The following ARHGAP27 variants were observed in gnomAD, a reference collection of about 807,000 sequenced individuals.
ARHGAP27 encodes Rho GTPase activating protein 27.
Under a neutral mutation model 102.0 loss-of-function variants are expected in ARHGAP27, and 53 were observed. The ratio of observed to expected loss-of-function variants is 0.52; its 90% confidence interval spans 0.42 to 0.65. The LOEUF (loss-of-function observed/expected upper bound fraction) is 0.65. Ranked by LOEUF, ARHGAP27 falls within the 30% of genes least tolerant of loss-of-function variation. ARHGAP27 has a pLI of 0.00. For synonymous variants in ARHGAP27, 525 were observed against 542.8 expected (o/e 0.97, Z 0.46); for missense variants, 1,117 against 1,256.2 (o/e 0.89, Z 1.68).
chr17:45,423,588 T>A (rs2049256124), intron 4 of ARHGAP27, among the ~76,000 whole-genome samples: 1 of 151,940 alleles, frequency 6.6e-6, no homozygotes, highest in African/African-American at 2.4e-5. Context: ...TCTGCAGACA[T>A]ATCATATCAT....
intron 8 of ARHGAP27, 34 bp from the exon 9 acceptor site, chr17:45,404,368 C>T (rs746152179): frequency 1.2e-6 from 2 of 1,613,626 alleles, no homozygotes; most frequent in Non-Finnish European, 1.7e-6. Context: ...CCACCAAGTC[C>T]CTCCTCCCAG....
chr17:45,413,447 C>A (rs1210501439), intron 4 of ARHGAP27, among the ~76,000 whole-genome samples: 1 of 152,120 alleles, frequency 6.6e-6, no homozygotes, highest in East Asian at 1.9e-4. Flanking sequence ...CAGCTTCTCG[C>A]TGAGCAGCTG....
At chr17:45,399,803 A>G (rs2046232674) in intron 12 of ARHGAP27, among the ~76,000 whole-genome samples, 1 of 152,142 alleles carries the variant, frequency 6.6e-6, no homozygotes, top group Non-Finnish European at 1.5e-5. Flanking sequence ...TCAAAACATA[A>G]TCAGTTCATA....
rs1405351256 is a variant in ARHGAP27, at chr17:45,430,720, C to A, written c.-18-423G>T. ...AGTAGGAAGAACACCCCATTTACTG[C>A]CGCTCCCCGGCTCTGTCCCGCCTGG... On this transcript the variant is annotated intron_variant, in intron 3 of 19. Coordinates refer to ENST00000685559, the MANE Select transcript of ARHGAP27 (RefSeq NM_001282290.2). This position sits in a 1 kb window ranked among gnomAD's most constrained non-coding sequence, Gnocchi z 4.4. 2.0e-5 allele frequency among the ~76,000 whole-genome samples: 3 copies of A among 152,202 alleles called. No homozygotes were observed. The highest frequency in any genetic ancestry group is 7.2e-5 in the African/African-American group (3 of 41,440).
rs767153949 is a variant in ARHGAP27 at position 45,395,234 on chromosome 17, G to A, written c.*222C>T. 1.3e-4 allele frequency: 80 copies of A among 600,688 alleles called. No individual in the cohort carries two copies. Among genetic ancestry groups the A allele is most frequent in the East Asian group, 2.3e-4 (8 of 34,396 alleles). 37.2% of individuals were successfully genotyped at this position (600,688 alleles called of 1,614,324 possible). On this transcript the variant is annotated 3_prime_UTR_variant, in exon 20 of 20. Coordinates refer to ENST00000685559, the MANE Select transcript of ARHGAP27 (RefSeq NM_001282290.2). ...AATTAACCCCCAAACAGGACGTGAC[G>A]GGAAGGGAAGGGGGGATGGGGAGTT...
rs758409986 is a variant in ARHGAP27, at chr17:45,405,750, C to T, written c.991G>A (p.Glu331Lys). ...TCCTCCTCGGGCTCGTTCTCGGCCT[C>T]GTCCTCCCAGGCCGTCTCGCCCGTC... ...PLTGETAWED[E>K]AENEPEEELE... The change falls in exon 5 of 20, where the codon GAG (glutamate) becomes AAG (lysine). Residue 331 changes from glutamate to lysine, a missense_variant. By Grantham distance (56) the Glu-to-Lys change is moderately conservative. Transcript: ENST00000685559. The T allele has an allele frequency of 1.8e-5, 29 of 1,599,634 alleles. No individual in the cohort carries two copies. In the Admixed American group the frequency reaches 2.2e-4, roughly 12 times the overall value.
chr17:45,406,957 G>A (rs2047246171), intron 4 of ARHGAP27, among the ~76,000 whole-genome samples: 1 of 152,176 alleles, frequency 6.6e-6, no homozygotes. Context: ...AAAGAGAGGT[G>A]AATTGTTTTA....
In ARHGAP27 at chr17:45,396,584, G is replaced by A. The variant is rs1446201314; in HGVS notation, c.2076C>T (p.Asp692=). ...CGGCCAGCGCGCAGCCGAACACCTGGTCTAGGGCAGAGGCTCATCAGCTCC... is the reference window on the plus strand; with the variant it reads ...CGGCCAGCGCGCAGCCGAACACCTGATCTAGGGCAGAGGCTCATCAGCTCC... ...QSLREKGYIK[D]QVFGCALAAL... is the part of the protein sequence containing the mutation. The change falls in exon 16 of 20, where the codon GAC becomes GAT. Residue 692 remains aspartate (D), a splice_region_variant and synonymous_variant. Transcript: ENST00000685559. 1 of 1,608,100 alleles carries A rather than the reference G, an allele frequency of 6.2e-7. No individual in the cohort carries two copies. The highest frequency in any genetic ancestry group is 1.7e-5 in the Admixed American group (1 of 59,804).
At chr17:45,395,908 G>A (rs564690466) in intron 18 of ARHGAP27, 59 bp from the exon 19 acceptor site, 49 of 1,568,196 alleles carry the variant, frequency 3.1e-5, no homozygotes, top group Non-Finnish European at 3.6e-5. Context: ...GGTATCGGCT[G>A]GGCGAGGGGA....
At chr17:45,416,248 G>A (rs2048441131) in intron 4 of ARHGAP27, among the ~76,000 whole-genome samples, 1 of 151,558 alleles carries the variant, frequency 6.6e-6, no homozygotes, top group African/African-American at 2.4e-5. Flanking sequence ...TAGAGACGGG[G>A]TTTCACCGTG....
Position 45,395,551 on chromosome 17 carries a change from C to G in ARHGAP27, c.2575G>C (p.Val859Leu). 1 of 1,603,980 alleles carries G rather than the reference C, an allele frequency of 6.2e-7. No homozygotes were observed. The highest frequency in any genetic ancestry group is 8.5e-7 in the Non-Finnish European group (1 of 1,175,558). ...VFGPTLLRPEVEETSMPMTMV... is the reference protein window; with the variant it reads ...VFGPTLLRPELEETSMPMTMV... ...GTCATGGGCATGCTGGTCTCTTCCA[C>G]CTCGGGCCGCAGCAGCGTGGGCCCG... Residue 859 changes from valine (V) to leucine (L), a missense_variant, in exon 20 of 20, where the codon GTG becomes CTG. Val to Leu is a conservative substitution (Grantham distance 32). Around this residue, in one of 3 missense-constraint regions of ARHGAP27, gnomAD observed 493 missense variants for 505.5 expected, o/e 0.98. Transcript: ENST00000685559.
intron 4 of ARHGAP27, among the ~76,000 whole-genome samples, chr17:45,414,343 G>A (rs746630181): frequency 6.6e-6 from 1 of 151,984 alleles, no homozygotes; most frequent in South Asian, 2.1e-4. Flanking sequence ...ATAGCCTCCC[G>A]CTTGCTCGGA....
rs565797534 is a variant in ARHGAP27 at position 45,427,441 on chromosome 17, C to T, written c.657+2182G>A. ...GCTGTGCCTCAGTCCTCTCCAGATC[C>T]GAAGGCTCACCAGGGCTTGGCAGGT... On this transcript the variant is annotated intron_variant, in intron 4 of 19. Transcript: ENST00000685559. This position sits in a 1 kb window ranked among gnomAD's most constrained non-coding sequence, Gnocchi z 4.5. 5.3e-5 allele frequency among the ~76,000 whole-genome samples: 8 copies of T among 152,336 alleles called. No homozygotes were observed. Among genetic ancestry groups the T allele is most frequent in the Admixed American group, 1.3e-4 (2 of 15,308 alleles).
chr17:45,420,217 A>G (rs889958987), intron 4 of ARHGAP27, among the ~76,000 whole-genome samples: 7 of 152,238 alleles, frequency 4.6e-5, no homozygotes, highest in Admixed American at 1.3e-4. Flanking sequence ...GATTATTTGT[A>G]GTTGTAGGGA....
intron 9 of ARHGAP27, 55 bp from the exon 10 acceptor site, chr17:45,404,151 T>C (rs2046827524): frequency 6.2e-7 from 1 of 1,610,344 alleles, no homozygotes; most frequent in East Asian, 2.2e-5. Context: ...GGGTGAGCTA[T>C]GGGGAGTAGA....
intron 4 of ARHGAP27, among the ~76,000 whole-genome samples, chr17:45,421,415 G>A (rs560747448): frequency 1.0e-3 from 153 of 151,978 alleles, no homozygotes; most frequent in Non-Finnish European, 1.4e-3. Flanking sequence ...CCAGGAGGTC[G>A]AGGCTGCAGT....
chr17:45,410,222 C>T, intron 4 of ARHGAP27: 1 of 1,533,848 alleles, frequency 6.5e-7, no homozygotes, highest in Non-Finnish European at 8.7e-7. Flanking sequence ...TTGACCCCAG[C>T]ATCCCCTACC....
Position 45,422,250 on chromosome 17 carries a change from C to CAAA in ARHGAP27, c.657+7370_657+7372dup, listed in dbSNP as rs35947196. On this transcript the variant is annotated intron_variant, in intron 4 of 19. Transcript: ENST00000685559. ...GAAACCCCATCACTACAAAAAATACCAAAAAAAAAAAAAATTAGCTGGGCA... is the reference window on the plus strand; with the variant it reads ...GAAACCCCATCACTACAAAAAATACCAAAAAAAAAAAAAAAAATTAGCTGGGCA... 1.5e-3 allele frequency among the ~76,000 whole-genome samples: 213 copies of CAAA among 141,940 alleles called. 3 individuals carry two copies. The highest frequency in any genetic ancestry group is 5.2e-3 in the African/African-American group (202 of 38,524). 93.1% of individuals were successfully genotyped at this position (141,940 alleles called of 152,430 possible).
chr17:45,426,894 C>T (rs911398546), intron 4 of ARHGAP27, among the ~76,000 whole-genome samples: 17 of 152,316 alleles, frequency 1.1e-4, no homozygotes, highest in Admixed American at 1.0e-3. Context: ...GCCTTTCTCT[C>T]ACATGACCTT....
Sources: allele counts gnomAD v4.1 joint callset (sites outside exome capture counted in the v4.1 genomes callset), GRCh38; gene constraint gnomAD v4.1.1; regional missense constraint gnomAD v4.1.1; non-coding constraint Gnocchi (gnomAD v3.1); transcripts MANE v1.5; gene names NCBI Gene and HGNC (gene_info 2026-07-23, HGNC 2026-07-21).